Variants in SOBP observed in about 807,000 individuals in gnomAD.
The protein encoded by SOBP is sine oculis-binding protein homolog.
Under a neutral mutation model 53.6 loss-of-function variants are expected in SOBP, and 4 were observed. The ratio of observed to expected loss-of-function variants is 0.07; its 90% CI spans 0.04 to 0.17. The LOEUF is 0.17. SOBP is among the 10% of genes least tolerant of loss of function. SOBP has a pLI of 1.00. For synonymous variants in SOBP, 584 were observed against 522.6 expected (o/e 1.12, Z -1.60); for missense variants, 1,088 against 1,204.7 (o/e 0.90, Z 1.43).
In SOBP at chr6:107,503,775, A is replaced by G. The variant is rs1782904771; in HGVS notation, c.215A>G (p.Gln72Arg). 2 of 1,614,050 alleles carry G rather than the reference A, an allele frequency of 1.2e-6. No individual in the cohort carries two copies. Among genetic ancestry groups the G allele is most frequent in the Admixed American group, 3.3e-5 (2 of 60,004 alleles). Residue 72 changes from glutamine (Q) to arginine (R), a missense_variant, in exon 2 of 7, where the codon CAG becomes CGG. Around this residue, in one of 6 missense-constraint regions of SOBP, gnomAD observed 112 missense variants for 117.9 expected, o/e 0.95. Transcript: ENST00000317357. ...RSYPTDGESR[Q>R]HISVLKENSL... is the part of the protein sequence containing the mutation. ...TACCCTACAGATGGGGAGAGCCGGCAGCACATTTCTGTTCTCAAAGGTAAT... is the reference window on the plus strand; with the variant it reads ...TACCCTACAGATGGGGAGAGCCGGCGGCACATTTCTGTTCTCAAAGGTAAT...
chr6:107,513,990 A>G (rs1380409423), intron 3 of SOBP: 1 of 152,656 alleles, frequency 6.6e-6, no homozygotes, highest in African/African-American at 2.4e-5. Flanking sequence ...AAGTTGAGCA[A>G]CTTGCCTGAG....
intron 3 of SOBP, 144 bp from the exon 4 acceptor site, chr6:107,533,315 G>C: frequency 2.0e-6 from 1 of 510,786 alleles, no homozygotes; most frequent in Non-Finnish European, 3.5e-6. Context: ...GAAAGAGAGA[G>C]AGAGAGAGAA....
chr6:107,631,737 C>T (rs1770723220), intron 5 of SOBP, among the ~76,000 whole-genome samples: 1 of 152,140 alleles, frequency 6.6e-6, no homozygotes, highest in Admixed American at 6.5e-5. Context: ...GAAAGAATGC[C>T]TTTCTAATCA....
At chr6:107,538,144 A>G (rs1044120922) in intron 4 of SOBP, among the ~76,000 whole-genome samples, 2 of 152,182 alleles carry the variant, frequency 1.3e-5, no homozygotes, top group African/African-American at 4.8e-5. Context: ...TCTAATTAGC[A>G]TGTATCATCA....
chr6:107,617,017 G>A (rs886542109), intron 5 of SOBP, among the ~76,000 whole-genome samples: 8 of 152,282 alleles, frequency 5.3e-5, no homozygotes, highest in African/African-American at 1.4e-4. Flanking sequence ...GCTGCTGCTC[G>A]AGCGTCTGCC....
intron 3 of SOBP, among the ~76,000 whole-genome samples, chr6:107,528,975 T>TG (rs1783744073): frequency 6.6e-6 from 1 of 152,158 alleles, no homozygotes; most frequent in African/African-American, 2.4e-5. Flanking sequence ...GCCTGGTTGG[T>TG]GGTGGTTGTG....
rs180930411 is a variant in SOBP at position 107,561,632 on chromosome 6, A to G, written c.574-25448A>G. Among the ~76,000 whole-genome samples the G allele has an allele frequency of 3.9e-3, 597 of 152,362 alleles. 6 individuals are homozygous for G. The highest frequency in any genetic ancestry group is 0.014 in the African/African-American group (565 of 41,592). ...CCTGGTGGGAGCTCTGATATAATAA[A>G]GGAGCTTGGCTGGTCAGATTCCTTG... On this transcript the variant is annotated intron_variant, in intron 4 of 6. Transcript: ENST00000317357.
chr6:107,572,253 A>G (rs1039287822), intron 4 of SOBP, among the ~76,000 whole-genome samples: 4 of 152,232 alleles, frequency 2.6e-5, no homozygotes, highest in Admixed American at 6.5e-5. Context: ...TTAGTTAAAA[A>G]GAAAAGCCCT....
Position 107,506,381 on chromosome 6 carries a change from C to G in SOBP, c.375C>G (p.Pro125=). The change falls in exon 3 of 7, where the codon CCC becomes CCG. Residue 125 remains proline (P), a synonymous_variant. Coordinates refer to ENST00000317357, the MANE Select transcript of SOBP (RefSeq NM_018013.4). ...GGTCAAAGGATCATGGCAGTGTGCC[C>G]ATTATTGTACCTTTAATTCCACCAC... ...PAGSKDHGSV[P]IIVPLIPPPF... is the part of the protein sequence containing the mutation. 2 of 1,614,182 alleles carry G rather than the reference C, an allele frequency of 1.2e-6. No homozygotes were observed. Among genetic ancestry groups the G allele is most frequent in the Non-Finnish European group, 1.7e-6 (2 of 1,180,030 alleles).
chr6:107,491,254 G>C (rs1328126058), intron 1 of SOBP, among the ~76,000 whole-genome samples: 2 of 152,188 alleles, frequency 1.3e-5, no homozygotes, highest in African/African-American at 4.8e-5. Flanking sequence ...GCGGGTCTGG[G>C]CACGGTCCTG....
chr6:107,511,543 G>A (rs1216691273), intron 3 of SOBP: 1 of 152,218 alleles, frequency 6.6e-6, no homozygotes, highest in Non-Finnish European at 1.5e-5. Flanking sequence ...TTCATGTGCT[G>A]GGGCAGGCTC....
intron 3 of SOBP, among the ~76,000 whole-genome samples, chr6:107,515,740 C>G (rs533415468): frequency 6.6e-6 from 1 of 152,248 alleles, no homozygotes; most frequent in East Asian, 1.9e-4. Context: ...CAGCGAGACT[C>G]TGTCTCAAAA....
chr6:107,505,134 G>A (rs904942184), intron 2 of SOBP, among the ~76,000 whole-genome samples: 1 of 152,030 alleles, frequency 6.6e-6, no homozygotes, highest in Non-Finnish European at 1.5e-5. Flanking sequence ...TGAAGCATCA[G>A]TTTTCTTCCC....
At chr6:107,610,734 C>G (rs1786557793) in intron 5 of SOBP, among the ~76,000 whole-genome samples, 1 of 152,138 alleles carries the variant, frequency 6.6e-6, no homozygotes, top group African/African-American at 2.4e-5. Context: ...CAACCACATG[C>G]CCACTCTCTC....
intron 6 of SOBP, among the ~76,000 whole-genome samples, chr6:107,643,655 A>G (rs1448278297): frequency 6.6e-6 from 1 of 151,962 alleles, no homozygotes; most frequent in East Asian, 1.9e-4. Context: ...TCTTGACCTC[A>G]TCATCCACCT....
intron 5 of SOBP, among the ~76,000 whole-genome samples, chr6:107,593,233 A>C (rs73762274): frequency 1.3e-5 from 2 of 152,130 alleles, no homozygotes; most frequent in East Asian, 3.9e-4. Context: ...TTGTAATTCT[A>C]TTATTTGAGA....
In SOBP at chr6:107,661,271, G is replaced by A. The variant is rs1772283577; in HGVS notation, c.*3068G>A. The stretch of plus-strand genomic sequence containing the variant: ...CTGTCTGAATGCACAATTCTCTTGG[G>A]ATATCAAAACCATATATAAAGAGAA... On this transcript the variant is annotated 3_prime_UTR_variant, in exon 7 of 7. Coordinates refer to ENST00000317357, the MANE Select transcript of SOBP (RefSeq NM_018013.4). Among the ~76,000 whole-genome samples, 1 of 152,074 alleles carries A rather than the reference G, an allele frequency of 6.6e-6. No individual in the cohort carries two copies. Among genetic ancestry groups the A allele is most frequent in the Non-Finnish European group, 1.5e-5 (1 of 68,026 alleles).
chr6:107,654,683 C>T (rs562247182), intron 6 of SOBP, among the ~76,000 whole-genome samples: 3 of 152,182 alleles, frequency 2.0e-5, no homozygotes, highest in Non-Finnish European at 4.4e-5. Flanking sequence ...GAGGAAGAAT[C>T]GAGGCTCTGA....
chr6:107,587,184 A>G lies in SOBP; in HGVS notation c.669+9A>G, dbSNP rs1785593801. On this transcript the variant is annotated intron_variant, in intron 5 of 6. Transcript: ENST00000317357. The stretch of plus-strand genomic sequence containing the variant: ...ATAACTGCGAACTACTTGTAAGAAT[A>G]ACATACTTACAACAAGTCTAGAATG... The G allele has an allele frequency of 6.2e-7, 1 of 1,601,584 alleles. No individual in the cohort carries two copies. Among genetic ancestry groups the G allele is most frequent in the Non-Finnish European group, 8.6e-7 (1 of 1,169,296 alleles).
Sources: gnomAD v4.1 joint callset for allele counts (sites outside exome capture counted in the v4.1 genomes callset) on GRCh38, gnomAD v4.1.1 for gene constraint, gnomAD v4.1.1 regional missense constraint, MANE v1.5 for transcripts, NCBI Gene and HGNC (gene_info 2026-07-23, HGNC 2026-07-21) for gene names.